The following RIGI variants were observed in gnomAD, a reference collection of about 807,000 sequenced individuals.
RIGI encodes the protein antiviral innate immune response receptor RIG-I.
the RIGI span, among the ~76,000 whole-genome samples, chr9:32,505,399 C>T: frequency 2.6e-5 from 4 of 152,052 alleles, no homozygotes; most frequent in East Asian, 1.9e-4. Context: ...ACTTACTTTC[C>T]GGTATTTTTA....
chr9:32,491,502 A>G, the RIGI span: 1 of 1,132,822 alleles, frequency 8.8e-7, no homozygotes, highest in Non-Finnish European at 1.2e-6. Flanking sequence ...AAATGGTCAT[A>G]ACACTAAGAT....
At chr9:32,458,967 G>A in the RIGI span, among the ~76,000 whole-genome samples, 3 of 143,274 alleles carry the variant, frequency 2.1e-5, no homozygotes, top group African/African-American at 7.7e-5. Flanking sequence ...TCAGCTCACC[G>A]CAACCTCTGC....
the RIGI span, among the ~76,000 whole-genome samples, chr9:32,473,978 A>G: frequency 6.6e-6 from 1 of 152,184 alleles, no homozygotes; most frequent in Non-Finnish European, 1.5e-5. Flanking sequence ...CAGTGAGCCG[A>G]GGTTGTGCCA....
At chr9:32,489,955 A>G in the RIGI span, among the ~76,000 whole-genome samples, 2 of 152,240 alleles carry the variant, frequency 1.3e-5, no homozygotes, top group Non-Finnish European at 2.9e-5. Flanking sequence ...CTTTATCTCA[A>G]TAACAGGTAG....
the RIGI span, chr9:32,488,325 G>A: frequency 1.2e-3 from 1,291 of 1,058,478 alleles, 9 homozygotes; most frequent in African/African-American, 0.018. Context: ...AAGAATAGCT[G>A]TAGGCAAGTC....
chr9:32,482,906 T>C, the RIGI span, among the ~76,000 whole-genome samples: 5,057 of 151,888 alleles, frequency 0.033, 121 homozygotes, highest in Non-Finnish European at 0.049. Context: ...CCCTATGTTC[T>C]GCTTTGCTGT....
the RIGI span, among the ~76,000 whole-genome samples, chr9:32,494,980 C>A: frequency 6.6e-6 from 1 of 152,116 alleles, no homozygotes; most frequent in Non-Finnish European, 1.5e-5. Flanking sequence ...ATGCTACTAT[C>A]AACATGGATG....
At chr9:32,457,059 ATGTT>A in the RIGI span, 1 of 1,275,902 alleles carries the variant, frequency 7.8e-7, no homozygotes. Context: ...TATACCCACT[ATGTT>A]TGTTTCTTCT....
chr9:32,520,174 T>C, the RIGI span, among the ~76,000 whole-genome samples: 1 of 152,148 alleles, frequency 6.6e-6, no homozygotes, highest in African/African-American at 2.4e-5. Flanking sequence ...CTTTGGTAAG[T>C]TTGGCACAGG....
chr9:32,506,326 G>A, the RIGI span, among the ~76,000 whole-genome samples: 4 of 152,242 alleles, frequency 2.6e-5, no homozygotes, highest in East Asian at 1.9e-4. Context: ...ACCCTCCATC[G>A]ATAGTGTATG....
At chr9:32,479,788 G>T in the RIGI span, among the ~76,000 whole-genome samples, 1 of 149,356 alleles carries the variant, frequency 6.7e-6, no homozygotes, top group Non-Finnish European at 1.5e-5. Context: ...AGTGAGCCAT[G>T]ATTGAGCCAC....
the RIGI span, among the ~76,000 whole-genome samples, chr9:32,461,175 G>A: frequency 6.6e-6 from 1 of 152,104 alleles, no homozygotes; most frequent in African/African-American, 2.4e-5. Flanking sequence ...GAAAAGAACA[G>A]TCCACCCCAG....
At chr9:32,524,647 C>T in the RIGI span, among the ~76,000 whole-genome samples, 8 of 112,392 alleles carry the variant, frequency 7.1e-5, no homozygotes, top group South Asian at 1.9e-3. Context: ...CTCACGATGT[C>T]ACCCAGGCTG....
the RIGI span, among the ~76,000 whole-genome samples, chr9:32,497,547 A>C: frequency 6.6e-6 from 1 of 152,200 alleles, no homozygotes; most frequent in African/African-American, 2.4e-5. Flanking sequence ...GGAGATTGAG[A>C]CCATCCTGGT....
chr9:32,457,480 A>G, the RIGI span: 8 of 1,178,406 alleles, frequency 6.8e-6, no homozygotes, highest in Non-Finnish European at 9.1e-6. Flanking sequence ...CATAATTGTG[A>G]TTTAAAAAAA....
chr9:32,482,187 TTGTGTGTGTGTGTG>T, the RIGI span, among the ~76,000 whole-genome samples: 3 of 144,958 alleles, frequency 2.1e-5, no homozygotes, highest in Admixed American at 6.9e-5. Context: ...GTGTGTTTGT[TTGTGTGTGTGTGTG>T]TGTGTGTGTG....
the RIGI span, chr9:32,457,498 GA>G: frequency 3.9e-6 from 4 of 1,012,834 alleles, no homozygotes; most frequent in Non-Finnish European, 5.4e-6. Context: ...AAAAAAAAAA[GA>G]AAACCCCACA....
chr9:32,517,380 ATG>A, the RIGI span, among the ~76,000 whole-genome samples: 1 of 152,212 alleles, frequency 6.6e-6, no homozygotes, highest in Non-Finnish European at 1.5e-5. Flanking sequence ...GTGTGTATAC[ATG>A]TTTAGATGTG....
At chr9:32,508,563 T>C in the RIGI span, among the ~76,000 whole-genome samples, 1 of 152,070 alleles carries the variant, frequency 6.6e-6, no homozygotes, top group Non-Finnish European at 1.5e-5. Context: ...CAGTGCACCC[T>C]GGCCCAGATA....
Sources: allele counts gnomAD v4.1 joint callset (sites outside exome capture counted in the v4.1 genomes callset), GRCh38; gene constraint gnomAD v4.1.1; transcripts MANE v1.5; gene names NCBI Gene and HGNC (gene_info 2026-07-23, HGNC 2026-07-21).